The following GRIA4 variants were observed in gnomAD, a reference collection of about 807,000 sequenced individuals.
GRIA4 encodes glutamate receptor 4.
GRIA4 carries 34 observed loss-of-function variants against 104.0 expected under a neutral mutation model. That is an observed-to-expected ratio of 0.33 (90% confidence interval 0.25 to 0.44). GRIA4 has a LOEUF of 0.44. Ranked by LOEUF, GRIA4 falls within the 20% of genes least tolerant of loss-of-function variation. The probability of loss-of-function intolerance (pLI) is 1.00; values close to 1 mark genes in which losing one functional copy is unlikely to be tolerated. For synonymous variants in GRIA4, 386 were observed against 381.9 expected (o/e 1.01, Z -0.13); for missense variants, 750 against 1,096.5 (o/e 0.68, Z 4.46).
intron 3 of GRIA4, among the ~76,000 whole-genome samples, chr11:105,677,216 T>C (rs1302536849): frequency 6.6e-6 from 1 of 151,860 alleles, no homozygotes; most frequent in Non-Finnish European, 1.5e-5. Flanking sequence ...CTGTAAACAC[T>C]TAAAGACAAA....
At chr11:105,951,536 A>G (rs1948456854) in intron 14 of GRIA4, among the ~76,000 whole-genome samples, 1 of 152,232 alleles carries the variant, frequency 6.6e-6, no homozygotes, top group Admixed American at 6.5e-5. Context: ...GACTTTACTG[A>G]GTATAGTCTC....
chr11:105,895,183 G>T lies in GRIA4; in HGVS notation c.727-3086G>T, dbSNP rs1025020421. On this transcript the variant is annotated intron_variant, in intron 6 of 16. Coordinates refer to ENST00000282499, the MANE Select transcript of GRIA4 (RefSeq NM_000829.4). Reference sequence around the variant, plus strand: ...AGCAAATTGAAGCATATTCACATTTGCAAAAGAACCTTTACTAAATACTAA... The same window carrying T: ...AGCAAATTGAAGCATATTCACATTTTCAAAAGAACCTTTACTAAATACTAA... 1.4e-4 allele frequency among the ~76,000 whole-genome samples: 21 copies of T among 151,922 alleles called. No individual in the cohort carries two copies. The East Asian group carries it at 3.3e-3, about 24-fold the overall frequency.
intron 3 of GRIA4, among the ~76,000 whole-genome samples, chr11:105,650,285 G>A (rs1951648149): frequency 1.3e-5 from 2 of 152,238 alleles, no homozygotes; most frequent in South Asian, 2.1e-4. Context: ...CTTGAAGATT[G>A]TAAATCTCAA....
chr11:105,800,148 A>G (rs1412978384), intron 4 of GRIA4, among the ~76,000 whole-genome samples: 1 of 152,102 alleles, frequency 6.6e-6, no homozygotes, highest in African/African-American at 2.4e-5. Flanking sequence ...GGATTCTTAG[A>G]GTATAGCTCT....
chr11:105,872,207 C>A (rs1192797166), intron 5 of GRIA4, among the ~76,000 whole-genome samples: 2 of 151,954 alleles, frequency 1.3e-5, no homozygotes, highest in African/African-American at 4.8e-5. Flanking sequence ...CACTTTGAAG[C>A]CACTTCTTTA....
At chr11:105,934,111 T>C in intron 14 of GRIA4, 142 bp downstream of exon 14, 1 of 758,250 alleles carries the variant, frequency 1.3e-6, no homozygotes, top group Non-Finnish European at 2.1e-6. Flanking sequence ...TCATATATTT[T>C]GGTCAACAAT....
At chr11:105,912,663 C>T (rs1352135370) in intron 10 of GRIA4, 2 of 802,600 alleles carry the variant, frequency 2.5e-6, no homozygotes, top group Non-Finnish European at 1.5e-6. Context: ...AAAATGTAAT[C>T]TTTATATAAA....
At chr11:105,730,213 A>G (rs569520997) in intron 3 of GRIA4, among the ~76,000 whole-genome samples, 21 of 152,204 alleles carry the variant, frequency 1.4e-4, no homozygotes, top group African/African-American at 4.6e-4. Context: ...TGCAAAAATC[A>G]AAGCATTCAT....
intron 4 of GRIA4, among the ~76,000 whole-genome samples, chr11:105,837,810 G>C (rs1454746469): frequency 6.6e-6 from 1 of 151,972 alleles, no homozygotes; most frequent in East Asian, 1.9e-4. Context: ...GAAAATATGA[G>C]TATTGGCATG....
At chr11:105,941,498 A>G (rs1311514610) in intron 14 of GRIA4, among the ~76,000 whole-genome samples, 2 of 152,088 alleles carry the variant, frequency 1.3e-5, no homozygotes, top group African/African-American at 4.8e-5. Flanking sequence ...AATACCATCA[A>G]CCACACAAAG....
At chr11:105,747,576 T>C (rs1317023787) in intron 3 of GRIA4, among the ~76,000 whole-genome samples, 1 of 152,166 alleles carries the variant, frequency 6.6e-6, no homozygotes, top group Non-Finnish European at 1.5e-5. Context: ...TTATGTCAAG[T>C]ATGAATATAA....
At chr11:105,673,712 T>C (rs968870380) in intron 3 of GRIA4, among the ~76,000 whole-genome samples, 2 of 152,060 alleles carry the variant, frequency 1.3e-5, no homozygotes, top group Non-Finnish European at 2.9e-5. Context: ...AAGAGCTTTA[T>C]TATATTTATT....
chr11:105,844,144 C>T (rs1944492621), intron 4 of GRIA4, among the ~76,000 whole-genome samples: 1 of 152,114 alleles, frequency 6.6e-6, no homozygotes, highest in African/African-American at 2.4e-5. Flanking sequence ...TACAGTCACC[C>T]TACTTATAAT....
chr11:105,741,242 G>C (rs889141672), intron 3 of GRIA4, among the ~76,000 whole-genome samples: 1 of 152,132 alleles, frequency 6.6e-6, no homozygotes, highest in Non-Finnish European at 1.5e-5. Flanking sequence ...ATAGAGAAAA[G>C]GTTTTGAGGG....
chr11:105,867,917 A>C (rs1463356689), intron 5 of GRIA4, among the ~76,000 whole-genome samples: 1 of 152,172 alleles, frequency 6.6e-6, no homozygotes, highest in Admixed American at 6.6e-5. Flanking sequence ...TCTGCACTTG[A>C]CACCTCATAC....
intron 13 of GRIA4, among the ~76,000 whole-genome samples, chr11:105,929,382 A>T (rs1033200782): frequency 6.6e-6 from 1 of 152,138 alleles, no homozygotes; most frequent in Non-Finnish European, 1.5e-5. Context: ...CACAGGGGAA[A>T]ACTACATCTG....
chr11:105,905,425 T>C (rs1207078860), intron 9 of GRIA4, 124 bp downstream of exon 9: 2 of 600,072 alleles, frequency 3.3e-6, no homozygotes, highest in Non-Finnish European at 5.9e-6. Flanking sequence ...ACAAATACTT[T>C]AGTACTTTCT....
intron 4 of GRIA4, among the ~76,000 whole-genome samples, chr11:105,837,646 A>AC (rs1395844905): frequency 6.6e-6 from 1 of 152,182 alleles, no homozygotes; most frequent in Non-Finnish European, 1.5e-5. Context: ...ACCGTGTGGA[A>AC]CTCAATGAGG....
rs1050931164 is a variant in GRIA4, at chr11:105,707,903, G to C, written c.248-45078G>C. The C allele has an allele frequency of 1.6e-4, 25 of 152,526 alleles. 1 individual carries two copies. Among genetic ancestry groups the C allele is most frequent in the African/African-American group, 4.6e-4 (19 of 41,440 alleles). 9.4% of individuals were successfully genotyped at this position (152,526 alleles called of 1,614,324 possible). On this transcript the variant is annotated intron_variant, in intron 3 of 16. Transcript: ENST00000282499. ...GACCCTGGAATGGGAGGAATGGGTGGAGTGGGAGGACATATGAGAATTAGC... is the reference window on the plus strand; with the variant it reads ...GACCCTGGAATGGGAGGAATGGGTGCAGTGGGAGGACATATGAGAATTAGC...
Sources: gnomAD v4.1 joint callset for allele counts (sites outside exome capture counted in the v4.1 genomes callset) on GRCh38, gnomAD v4.1.1 for gene constraint, MANE v1.5 for transcripts, NCBI Gene and HGNC (gene_info 2026-07-23, HGNC 2026-07-21) for gene names.